Variants in ERC2 observed in about 807,000 individuals in gnomAD.
The protein encoded by ERC2 is ERC protein 2.
In ERC2, 42 loss-of-function variants were observed where a neutral mutation model predicts 114.8. The ratio of observed to expected loss-of-function variants is 0.37; its 90% CI spans 0.29 to 0.47. ERC2 has a LOEUF of 0.47. ERC2 is among the 20% of genes least tolerant of loss of function. ERC2 has a pLI of 0.99. For missense variants in ERC2, 939 were observed against 1,150.7 expected (o/e 0.82, Z 2.66); for synonymous variants, 454 against 425.5 (o/e 1.07, Z -0.82).
At chr3:55,708,067 C>G (rs815421) in intron 15 of ERC2, among the ~76,000 whole-genome samples, 81,114 of 151,928 alleles carry the variant, frequency 0.53, 22,745 homozygotes, top group South Asian at 0.73. Flanking sequence ...GGGCTCTGAT[C>G]ACCCACTCCA....
chr3:55,615,374 A>T (rs1032314838), intron 17 of ERC2, among the ~76,000 whole-genome samples: 9 of 152,256 alleles, frequency 5.9e-5, no homozygotes, highest in African/African-American at 2.2e-4. Flanking sequence ...TACAACTATT[A>T]GTAGATTCTT....
At chr3:56,458,736 G>C (rs926238647) in intron 1 of ERC2, among the ~76,000 whole-genome samples, 1 of 152,088 alleles carries the variant, frequency 6.6e-6, no homozygotes, top group African/African-American at 2.4e-5. Context: ...GTCAAAATGC[G>C]AAACAAAGAA....
intron 7 of ERC2, among the ~76,000 whole-genome samples, chr3:56,041,421 C>A (rs1042763174): frequency 6.6e-6 from 1 of 152,074 alleles, no homozygotes; most frequent in African/African-American, 2.4e-5. Context: ...AGGCATCCTG[C>A]GCTCACCACT....
At chr3:55,862,049 T>C (rs527764919) in intron 14 of ERC2, among the ~76,000 whole-genome samples, 1 of 152,318 alleles carries the variant, frequency 6.6e-6, no homozygotes, top group South Asian at 2.1e-4. Context: ...GCCTTTTAAC[T>C]ACAAAAGTGA....
chr3:55,845,933 C>T (rs1489926919), intron 14 of ERC2, among the ~76,000 whole-genome samples: 2 of 152,322 alleles, frequency 1.3e-5, no homozygotes, highest in Non-Finnish European at 2.9e-5. Flanking sequence ...TAAGGAATAT[C>T]CCAGAAAGAA....
At chr3:56,145,575 G>C (rs2081093708) in intron 5 of ERC2, among the ~76,000 whole-genome samples, 1 of 152,070 alleles carries the variant, frequency 6.6e-6, no homozygotes, top group African/African-American at 2.4e-5. Flanking sequence ...CAACAGACGA[G>C]AGTTACACAT....
chr3:55,566,948 G>C (rs930603081), intron 17 of ERC2, among the ~76,000 whole-genome samples: 4 of 152,198 alleles, frequency 2.6e-5, no homozygotes, highest in African/African-American at 9.7e-5. Context: ...TGATCTGCCT[G>C]CCTTGGCCTC....
At chr3:55,644,000 T>C (rs1302646350) in intron 17 of ERC2, among the ~76,000 whole-genome samples, 1 of 151,826 alleles carries the variant, frequency 6.6e-6, no homozygotes, top group African/African-American at 2.4e-5. Context: ...TGCATAATGA[T>C]TTGGGGGTCT....
At position 55,819,315 on chromosome 3, in the gene ERC2, G is replaced by T. The variant is rs182386516; in HGVS notation, c.2564+69074C>A. ...AGTGCCAAGTATGTCTTAACCAGAT[G>T]CAGGCCAGGGTTTGATTAGCAGCCA... On this transcript the variant is annotated intron_variant, in intron 14 of 17. Coordinates refer to ENST00000288221, the MANE Select transcript of ERC2 (RefSeq NM_015576.3). 2.7e-4 allele frequency among the ~76,000 whole-genome samples: 41 copies of T among 152,312 alleles called. 1 individual carries two copies. Among genetic ancestry groups the T allele is most frequent in the Admixed American group, 9.8e-4 (15 of 15,304 alleles).
chr3:55,841,697 G>T (rs1307946720), intron 14 of ERC2, among the ~76,000 whole-genome samples: 1 of 152,076 alleles, frequency 6.6e-6, no homozygotes, highest in Non-Finnish European at 1.5e-5. Context: ...AAAGACTAAG[G>T]TAGAGAAAGG....
intron 13 of ERC2, among the ~76,000 whole-genome samples, chr3:55,920,749 G>A (rs2065378502): frequency 6.6e-6 from 1 of 152,116 alleles, no homozygotes; most frequent in Non-Finnish European, 1.5e-5. Flanking sequence ...CAAAACTGAA[G>A]AGGAAGTGGG....
chr3:56,252,201 A>C (rs953101871), intron 3 of ERC2, among the ~76,000 whole-genome samples: 3 of 152,212 alleles, frequency 2.0e-5, no homozygotes, highest in African/African-American at 7.2e-5. Flanking sequence ...TGATTTTAAA[A>C]CCTAAAATAA....
At chr3:56,096,520 G>A (rs909854523) in intron 6 of ERC2, among the ~76,000 whole-genome samples, 1 of 152,228 alleles carries the variant, frequency 6.6e-6, no homozygotes, top group East Asian at 1.9e-4. Flanking sequence ...GCAAAAAAAG[G>A]GTGAATGTAC....
intron 17 of ERC2, among the ~76,000 whole-genome samples, chr3:55,637,371 G>A (rs1213263110): frequency 2.6e-5 from 4 of 152,298 alleles, no homozygotes; most frequent in East Asian, 3.9e-4. Flanking sequence ...GTGGGAGTGC[G>A]CTTAGGTAGC....
chr3:56,018,408 C>T (rs1576581482), intron 8 of ERC2, among the ~76,000 whole-genome samples: 7 of 152,252 alleles, frequency 4.6e-5, no homozygotes, highest in Admixed American at 3.9e-4. Context: ...GGAATATCCT[C>T]AGCTGGGGAA....
chr3:55,981,010 T>C (rs760877099), intron 12 of ERC2, among the ~76,000 whole-genome samples: 5 of 152,232 alleles, frequency 3.3e-5, no homozygotes, highest in Non-Finnish European at 5.9e-5. Flanking sequence ...ACATGCAGCA[T>C]AAAGCCCTAG....
chr3:55,600,503 T>C (rs925215117), intron 17 of ERC2, among the ~76,000 whole-genome samples: 3 of 152,216 alleles, frequency 2.0e-5, no homozygotes, highest in African/African-American at 7.2e-5. Flanking sequence ...ACGTCTGCCA[T>C]CTTCTCCCCA....
chr3:55,530,235 G>C (rs1287650656), intron 17 of ERC2, among the ~76,000 whole-genome samples: 2 of 152,208 alleles, frequency 1.3e-5, no homozygotes, highest in East Asian at 3.9e-4. Flanking sequence ...CTATGGACCA[G>C]GGATTGGTAA....
chr3:56,326,439 A>T (rs985114009), intron 2 of ERC2, among the ~76,000 whole-genome samples: 2 of 152,198 alleles, frequency 1.3e-5, no homozygotes, highest in Non-Finnish European at 2.9e-5. Flanking sequence ...CCACCCAAAC[A>T]TATTGCAATA....
Sources: allele counts gnomAD v4.1 joint callset (sites outside exome capture counted in the v4.1 genomes callset), GRCh38; gene constraint gnomAD v4.1.1; transcripts MANE v1.5; gene names NCBI Gene and HGNC (gene_info 2026-07-23, HGNC 2026-07-21).